C1orf74: variants seen among roughly 807,000 people sequenced by gnomAD.
The protein encoded by C1orf74 is chromosome 1 open reading frame 74, also known as UPF0739 protein C1orf74.
Under a neutral mutation model 7.3 loss-of-function variants are expected in C1orf74, and 5 were observed. The observed-to-expected ratio is 0.68, with a 90% CI of 0.36 to 1.44. C1orf74 has a LOEUF of 1.44. Among genes scored for constraint, C1orf74 ranks in the 40% most tolerant of loss-of-function variants. The pLI is 0.04. For missense variants in C1orf74, 291 were observed against 314.3 expected, an observed-to-expected ratio of 0.93 and a Z score of 0.56; for synonymous variants, 121 against 132.5, an observed-to-expected ratio of 0.91 and a Z score of 0.59.
rs2077808656 is a variant in C1orf74 at position 209,783,179 on chromosome 1, G to A, written c.456C>T (p.Asp152=). Residue 152 remains aspartate (D), a synonymous_variant, in exon 2 of 2, where the codon GAC becomes GAT. Coordinates refer to ENST00000294811, the MANE Select transcript of C1orf74 (RefSeq NM_152485.4). The stretch of plus-strand genomic sequence containing the variant: ...TGCTGTAGGAGACTGCTAGAGATAA[G>A]TCCCTCTGCAGCCCCTGCAAATGTG... ...IITHLQGLQR[D]LSLAVSYSRL... 1 of 1,614,042 alleles carries A rather than the reference G, an allele frequency of 6.2e-7. No homozygotes were observed. Among genetic ancestry groups the A allele is most frequent in the Admixed American group, 1.7e-5 (1 of 60,002 alleles).
chr1:209,780,406 C>A lies in C1orf74; in HGVS notation c.*2419G>T. On this transcript the variant is annotated 3_prime_UTR_variant, in exon 2 of 2. Coordinates refer to ENST00000294811, the MANE Select transcript of C1orf74 (RefSeq NM_152485.4). ...CCTCTCCCCACTCCTAGTGGTTTCA[C>A]CCTCAGGGCCCTTCCTCAGAGGTGT... 7.1e-7 allele frequency: 1 copy of A among 1,405,402 alleles called. No individual in the cohort carries two copies. Among genetic ancestry groups the A allele is most frequent in the Non-Finnish European group, 9.4e-7 (1 of 1,065,494 alleles). The allele number at this position is 1,405,402 out of a possible 1,614,324, so 87.1% of individuals were successfully genotyped here.
chr1:209,781,705 G>A lies in C1orf74; in HGVS notation c.*1120C>T, dbSNP rs995348989. ...CTTACTCTTAGCTAAAGTATGAAAGGGTGTTCTTTTAGCCGATGATAAGCA... is the reference window on the plus strand; with the variant it reads ...CTTACTCTTAGCTAAAGTATGAAAGAGTGTTCTTTTAGCCGATGATAAGCA... On this transcript the variant is annotated 3_prime_UTR_variant, in exon 2 of 2. Coordinates refer to ENST00000294811, the MANE Select transcript of C1orf74 (RefSeq NM_152485.4). 9 of 485,636 alleles carry A rather than the reference G, an allele frequency of 1.9e-5. No homozygotes were observed. Among genetic ancestry groups the A allele is most frequent in the Non-Finnish European group, 3.0e-5 (8 of 269,676 alleles). 30.1% of individuals were successfully genotyped at this position (485,636 alleles called of 1,614,324 possible).
In C1orf74 at chr1:209,782,381, A is replaced by G. The variant is rs1471107094; in HGVS notation, c.*444T>C. On this transcript the variant is annotated 3_prime_UTR_variant, in exon 2 of 2. Transcript: ENST00000294811. The stretch of plus-strand genomic sequence containing the variant: ...TAACAAGTATCACATATTTAAGCAT[A>G]CTGGTGGTCTACTCTCCTCAAATTC... The G allele has an allele frequency of 3.8e-6, 2 of 526,610 alleles. No homozygotes were observed. The highest frequency in any genetic ancestry group is 3.8e-5 in the African/African-American group (2 of 52,266). The allele number at this position is 526,610 out of a possible 1,614,324, so 32.6% of individuals were successfully genotyped here. A position where few individuals can be genotyped will look rare whatever the true frequency, so the allele number is the denominator to read the frequency against.
chr1:209,782,151 A>T lies in C1orf74; in HGVS notation c.*674T>A, dbSNP rs1181375077. ...ATAAAGACAACCTGATGATCTGAAT[A>T]ATTTGTGACAACTGCCTTGGGTGAA... On this transcript the variant is annotated 3_prime_UTR_variant, in exon 2 of 2. Coordinates refer to ENST00000294811, the MANE Select transcript of C1orf74 (RefSeq NM_152485.4). 6.2e-7 allele frequency: 1 copy of T among 1,612,144 alleles called. No individual in the cohort carries two copies. Among genetic ancestry groups the T allele is most frequent in the African/African-American group, 1.3e-5 (1 of 75,024 alleles).
At position 209,780,461 on chromosome 1, in the gene C1orf74, CT is replaced by C. The variant is rs36087722; in HGVS notation, c.*2363del. The C allele has an allele frequency of 3.2e-6, 5 of 1,545,784 alleles. No homozygotes were observed. Among genetic ancestry groups the C allele is most frequent in the Admixed American group, 1.9e-5 (1 of 53,638 alleles). ...CTCACTGTCACCAAGAATCTGGCTG[CT>C]TTTTTAGATCAGGCTTTGCCCGTGT... On this transcript the variant is annotated 3_prime_UTR_variant, in exon 2 of 2. Coordinates refer to ENST00000294811, the MANE Select transcript of C1orf74 (RefSeq NM_152485.4).
In C1orf74 at chr1:209,781,373, A is replaced by G. The variant is rs1306183518; in HGVS notation, c.*1452T>C. ...AGAGAACTGCATTCAGAATTAGACA[A>G]CCTCAGTGACGAGTATCTCTCCTGC... On this transcript the variant is annotated 3_prime_UTR_variant, in exon 2 of 2. Coordinates refer to ENST00000294811, the MANE Select transcript of C1orf74 (RefSeq NM_152485.4). The G allele has an allele frequency of 1.1e-5, 17 of 1,613,344 alleles. No individual in the cohort carries two copies. The highest frequency in any genetic ancestry group is 5.5e-5 in the South Asian group (5 of 91,044).
In C1orf74 at chr1:209,780,416, C is replaced by T. The variant is rs538968087; in HGVS notation, c.*2409G>A. 15 of 1,439,704 alleles carry T rather than the reference C, an allele frequency of 1.0e-5. No individual in the cohort carries two copies. The East Asian group carries it at 3.4e-4, about 32-fold the overall frequency. The allele number at this position is 1,439,704 out of a possible 1,614,324, so 89.2% of individuals were successfully genotyped here. ...CTCCTAGTGGTTTCACCCTCAGGGC[C>T]CTTCCTCAGAGGTGTGGGCCTCACT... On this transcript the variant is annotated 3_prime_UTR_variant, in exon 2 of 2. Transcript: ENST00000294811.
chr1:209,784,128 T>G (rs2077817180), intron 1 of C1orf74, among the ~76,000 whole-genome samples: 1 of 152,156 alleles, frequency 6.6e-6, no homozygotes, highest in South Asian at 2.1e-4. Flanking sequence ...AGAATAGTTA[T>G]AAGAATAGTA....
In C1orf74 at chr1:209,781,355, T is replaced by C. The variant is rs1339007440; in HGVS notation, c.*1470A>G. 6.2e-7 allele frequency: 1 copy of C among 1,611,862 alleles called. No individual in the cohort carries two copies. The highest frequency in any genetic ancestry group is 1.1e-5 in the South Asian group (1 of 90,996). Reference sequence around the variant, plus strand: ...TGATGTTCTCCCCAGTGCAGAGAACTGCATTCAGAATTAGACAACCTCAGT... The same window carrying C: ...TGATGTTCTCCCCAGTGCAGAGAACCGCATTCAGAATTAGACAACCTCAGT... On this transcript the variant is annotated 3_prime_UTR_variant, in exon 2 of 2. Transcript: ENST00000294811.
rs1430321025 is a variant in C1orf74, at chr1:209,784,384, T to C, written c.-82A>G. 1 of 152,246 alleles carries C rather than the reference T, an allele frequency of 6.6e-6. No homozygotes were observed. Among genetic ancestry groups the C allele is most frequent in the Non-Finnish European group, 1.5e-5 (1 of 68,042 alleles). The allele number at this position is 152,246 out of a possible 1,614,324, so 9.4% of individuals were successfully genotyped here. On this transcript the variant is annotated 5_prime_UTR_variant, in exon 1 of 2. Transcript: ENST00000294811. ...ATAAGTCTGTCTCACATACGTTCTT[T>C]TTCCACGTCCGCTACAGGTTCGGGG...
chr1:209,779,876 T>G lies in C1orf74; in HGVS notation c.*2949A>C, dbSNP rs1292425107. ...TTCACAATCATTGGGCATAATATAATAGATAAGGCAGAAATTTTTATGCTC... is the reference window on the plus strand; with the variant it reads ...TTCACAATCATTGGGCATAATATAAGAGATAAGGCAGAAATTTTTATGCTC... On this transcript the variant is annotated 3_prime_UTR_variant, in exon 2 of 2. Transcript: ENST00000294811. 2 of 202,424 alleles carry G rather than the reference T, an allele frequency of 9.9e-6. No individual in the cohort carries two copies. The highest frequency in any genetic ancestry group is 4.7e-5 in the African/African-American group (2 of 42,768). The allele number at this position is 202,424 out of a possible 1,614,324, so 12.5% of individuals were successfully genotyped here. A position where few individuals can be genotyped will look rare whatever the true frequency, so the allele number is the denominator to read the frequency against.
chr1:209,780,525 G>C lies in C1orf74; in HGVS notation c.*2300C>G, dbSNP rs973073561. 3 of 1,604,286 alleles carry C rather than the reference G, an allele frequency of 1.9e-6. No homozygotes were observed. Among genetic ancestry groups the C allele is most frequent in the Middle Eastern group, 1.9e-4 (1 of 5,130 alleles). ...CCTTCCCTAACGAAGTGGAGCCTGA[G>C]GGTACAGGGAAGGAGAAAGACTGGG... is the stretch of plus-strand genomic sequence containing the variant. On this transcript the variant is annotated 3_prime_UTR_variant, in exon 2 of 2. Coordinates refer to ENST00000294811, the MANE Select transcript of C1orf74 (RefSeq NM_152485.4).
rs1360457415 is a variant in C1orf74 at position 209,781,428 on chromosome 1, G to A, written c.*1397C>T. 1 of 1,613,394 alleles carries A rather than the reference G, an allele frequency of 6.2e-7. No individual in the cohort carries two copies. Among genetic ancestry groups the A allele is most frequent in the South Asian group, 1.1e-5 (1 of 91,040 alleles). ...GTAAGCTGCAGCACTGTCGAGAAGA[G>A]CTGAACCAGAGCCAGCAGCTGCCTC... On this transcript the variant is annotated 3_prime_UTR_variant, in exon 2 of 2. Coordinates refer to ENST00000294811, the MANE Select transcript of C1orf74 (RefSeq NM_152485.4).
chr1:209,784,434 T>A lies in C1orf74; in HGVS notation c.-132A>T, dbSNP rs2077819324. On this transcript the variant is annotated 5_prime_UTR_variant, in exon 1 of 2. Transcript: ENST00000294811. ...GGCTCAGAAACTTTTTGCGGCTTCC[T>A]GCCTGCTGCCAGAAAGGCAGCTAGT... 6.6e-6 allele frequency: 1 copy of A among 152,286 alleles called. No individual in the cohort carries two copies. The allele number at this position is 152,286 out of a possible 1,614,324, so 9.4% of individuals were successfully genotyped here.
At position 209,779,447 on chromosome 1, in the gene C1orf74, T is replaced by G. The variant is rs767750036; in HGVS notation, c.*3378A>C. On this transcript the variant is annotated 3_prime_UTR_variant, in exon 2 of 2. Transcript: ENST00000294811. ...CCTGCCTAGAGGCAGCGGGATGGAC[T>G]ACATGACCTCCTGGAGTCCCAGCCA... 4 of 1,327,880 alleles carry G rather than the reference T, an allele frequency of 3.0e-6. No homozygotes were observed. Among genetic ancestry groups the G allele is most frequent in the Non-Finnish European group, 4.3e-6 (4 of 921,762 alleles). 82.3% of individuals were successfully genotyped at this position (1,327,880 alleles called of 1,614,324 possible).
In C1orf74 at chr1:209,782,167, C is replaced by T; in HGVS notation, c.*658G>A. ...GATCTGAATAATTTGTGACAACTGC[C>T]TTGGGTGAAAATCAGAAGCAAGCAA... On this transcript the variant is annotated 3_prime_UTR_variant, in exon 2 of 2. Coordinates refer to ENST00000294811, the MANE Select transcript of C1orf74 (RefSeq NM_152485.4). 6.2e-7 allele frequency: 1 copy of T among 1,600,150 alleles called. No individual in the cohort carries two copies.
In C1orf74 at chr1:209,781,563, TCC is replaced by T. The variant is rs2077781311; in HGVS notation, c.*1260_*1261del. The T allele has an allele frequency of 3.9e-6, 3 of 778,192 alleles. No homozygotes were observed. The highest frequency in any genetic ancestry group is 4.4e-6 in the Non-Finnish European group (2 of 452,870). The allele number at this position is 778,192 out of a possible 1,614,324, so 48.2% of individuals were successfully genotyped here. On this transcript the variant is annotated 3_prime_UTR_variant, in exon 2 of 2. Coordinates refer to ENST00000294811, the MANE Select transcript of C1orf74 (RefSeq NM_152485.4). ...ATCAGCCCACGCCAACAACTGGCCA[TCC>T]TGTCCCACTGTGCTTGGTTTATACT...
rs2077771567 is a variant in C1orf74, at chr1:209,781,232, G to T, written c.*1593C>A. On this transcript the variant is annotated 3_prime_UTR_variant, in exon 2 of 2. Coordinates refer to ENST00000294811, the MANE Select transcript of C1orf74 (RefSeq NM_152485.4). ...AAATCCCTGAGAATGGCTGGGAAGG[G>T]AAGATGGTGGTAAAAATTCCAAATG... The T allele has an allele frequency of 3.1e-6, 2 of 646,296 alleles. No homozygotes were observed. Among genetic ancestry groups the T allele is most frequent in the Non-Finnish European group, 5.6e-6 (2 of 354,898 alleles). 40.0% of individuals were successfully genotyped at this position (646,296 alleles called of 1,614,324 possible).
chr1:209,779,455 C>G lies in C1orf74; in HGVS notation c.*3370G>C. Reference sequence around the variant, plus strand: ...GAGGCAGCGGGATGGACTACATGACCTCCTGGAGTCCCAGCCAGTTCTGGG... The same window carrying G: ...GAGGCAGCGGGATGGACTACATGACGTCCTGGAGTCCCAGCCAGTTCTGGG... On this transcript the variant is annotated 3_prime_UTR_variant, in exon 2 of 2. Coordinates refer to ENST00000294811, the MANE Select transcript of C1orf74 (RefSeq NM_152485.4). The G allele has an allele frequency of 3.3e-6, 4 of 1,209,798 alleles. No homozygotes were observed. Among genetic ancestry groups the G allele is most frequent in the Non-Finnish European group, 4.9e-6 (4 of 816,530 alleles). The allele number at this position is 1,209,798 out of a possible 1,614,324, so 74.9% of individuals were successfully genotyped here.
Sources: allele counts gnomAD v4.1 joint callset (sites outside exome capture counted in the v4.1 genomes callset), GRCh38; gene constraint gnomAD v4.1.1; transcripts MANE v1.5; gene names NCBI Gene and HGNC (gene_info 2026-07-23, HGNC 2026-07-21).